The following TCTN1 variants were observed in gnomAD, a reference collection of about 807,000 sequenced individuals.
TCTN1 encodes the protein tectonic family member 1, also known as tectonic-1.
Under a neutral mutation model 65.8 loss-of-function variants are expected in TCTN1, and 58 were observed. The ratio of observed to expected loss-of-function variants is 0.88; its 90% confidence interval spans 0.71 to 1.10. The LOEUF is 1.10. TCTN1 is among the 50% of genes least tolerant of loss of function. TCTN1 has a pLI of 0.00. For synonymous variants in TCTN1, 273 were observed against 289.1 expected (o/e 0.94, Z 0.57); for missense variants, 645 against 719.4 (o/e 0.90, Z 1.18).
Position 110,641,057 on chromosome 12 carries a change from G to T in TCTN1, c.1012G>T (p.Glu338Ter), listed in dbSNP as rs186301802. 6.2e-7 allele frequency: 1 copy of T among 1,614,232 alleles called. No homozygotes were observed. The highest frequency in any genetic ancestry group is 2.2e-5 in the East Asian group (1 of 44,894). The change falls in exon 9 of 15, where the codon GAA becomes TAA. Residue 338 changes from glutamate to a stop codon, truncating the protein, a stop_gained. Coordinates refer to ENST00000397659, the MANE Select transcript of TCTN1 (RefSeq NM_001082538.3). LOFTEE classifies it high-confidence loss of function. Reference sequence around the variant, plus strand: ...CAGCCTCACATACACAGATGCAGGTGAAGTCACCAAAGCTGATCTCTCATT... The same window carrying T: ...CAGCCTCACATACACAGATGCAGGTTAAGTCACCAAAGCTGATCTCTCATT... Reference protein sequence around the residue: ...KYSLTYTDAGEVTKADLSFVL... With the variant: ...KYSLTYTDAG
In TCTN1 at chr12:110,640,637, G is replaced by A; in HGVS notation, c.978+120G>A. ...CCCAGCCCATGGTGTGGCTTTTCTT[G>A]GCTCAGCTGCCTGCTTGTCTTTCTG... On this transcript the variant is annotated intron_variant, in intron 8 of 14. Coordinates refer to ENST00000397659, the MANE Select transcript of TCTN1 (RefSeq NM_001082538.3). This position sits in a 1 kb window ranked among gnomAD's most constrained non-coding sequence, Gnocchi z 4.9. The A allele has an allele frequency of 7.1e-7, 1 of 1,409,352 alleles. No homozygotes were observed. The highest frequency in any genetic ancestry group is 1.0e-6 in the Non-Finnish European group (1 of 1,001,830). The allele number at this position is 1,409,352 out of a possible 1,614,324, so 87.3% of individuals were successfully genotyped here. A position where few individuals can be genotyped will look rare whatever the true frequency, so the allele number is the denominator to read the frequency against.
chr12:110,641,479 TC>T (rs2066947268), intron 9 of TCTN1, 62 bp from the exon 10 acceptor site: 1 of 1,474,822 alleles, frequency 6.8e-7, no homozygotes. Flanking sequence ...GAAGAATTTT[TC>T]TTCCTGCCAT....
Position 110,626,376 on chromosome 12 carries a change from T to C in TCTN1, c.356T>C (p.Phe119Ser). 6.3e-7 allele frequency: 1 copy of C among 1,588,740 alleles called. No individual in the cohort carries two copies. The highest frequency in any genetic ancestry group is 8.6e-7 in the Non-Finnish European group (1 of 1,164,828). ...TTAATTTTCAGGGGCGACAGCCAGT[T>C]TTGTAGTCAAAAAGCAGTCATCTAT... is the stretch of plus-strand genomic sequence containing the variant. ...SVPVVTGDSQFCSQKAVIYSL... is the reference protein window; with the variant it reads ...SVPVVTGDSQSCSQKAVIYSL... The change falls in exon 3 of 15, where the codon TTT becomes TCT. Residue 119 changes from phenylalanine to serine, a missense_variant. Coordinates refer to ENST00000397659, the MANE Select transcript of TCTN1 (RefSeq NM_001082538.3).
chr12:110,640,654 G>C lies in TCTN1; in HGVS notation c.978+137G>C. The C allele has an allele frequency of 2.4e-6, 3 of 1,230,440 alleles. No individual in the cohort carries two copies. In the South Asian group the frequency reaches 3.7e-5, roughly 15 times the overall value. The allele number at this position is 1,230,440 out of a possible 1,614,324, so 76.2% of individuals were successfully genotyped here. A position where few individuals can be genotyped will look rare whatever the true frequency, so the allele number is the denominator to read the frequency against. On this transcript the variant is annotated intron_variant, in intron 8 of 14. Coordinates refer to ENST00000397659, the MANE Select transcript of TCTN1 (RefSeq NM_001082538.3). The surrounding 1 kb of genome is among the most constrained non-coding windows in gnomAD (Gnocchi z 4.9). ...CTTTTCTTGGCTCAGCTGCCTGCTT[G>C]TCTTTCTGCTGTCTCATCAAAGGAC...
chr12:110,620,030 T>G (rs748499356), intron 2 of TCTN1, 74 bp downstream of exon 2: 2 of 1,608,366 alleles, frequency 1.2e-6, no homozygotes, highest in South Asian at 1.1e-5. Context: ...AAGGGAAAAC[T>G]TTCCCAGGCT....
At position 110,642,272 on chromosome 12, in the gene TCTN1, A is replaced by G. The variant is rs762241473; in HGVS notation, c.1214A>G (p.Asn405Ser). The change falls in exon 11 of 15, where the codon AAT (asparagine) becomes AGT (serine). Residue 405 changes from asparagine to serine, a missense_variant. Physicochemically the swap from Asn to Ser is conservative, Grantham distance 46 (BLOSUM62 1). Coordinates refer to ENST00000397659, the MANE Select transcript of TCTN1 (RefSeq NM_001082538.3). The stretch of plus-strand genomic sequence containing the variant: ...ATGTCTGGGATTATTCAGACCACAA[A>G]TAGATATGGACAGCTTACTATTCTT... The part of the protein sequence containing the change: ...HKGSGIIQTT[N>S]RYGQLTILHS... The G allele has an allele frequency of 6.2e-7, 1 of 1,614,192 alleles. No individual in the cohort carries two copies. Among genetic ancestry groups the G allele is most frequent in the South Asian group, 1.1e-5 (1 of 91,080 alleles).
intron 13 of TCTN1, 150 bp from the exon 14 acceptor site, chr12:110,647,599 C>G: frequency 8.0e-7 from 1 of 1,244,376 alleles, no homozygotes; most frequent in East Asian, 2.4e-5. Context: ...TTGTTTCTCT[C>G]ATCCAAGTTA....
intron 4 of TCTN1, 134 bp downstream of exon 4, chr12:110,629,052 A>C (rs777000907): frequency 4.3e-6 from 4 of 930,862 alleles, no homozygotes; most frequent in Non-Finnish European, 6.6e-6. Context: ...CTTAATGTTC[A>C]TGCCTACAAA....
chr12:110,641,370 A>G (rs1295521785), intron 9 of TCTN1, among the ~76,000 whole-genome samples, 172 bp from the exon 10 acceptor site: 2 of 152,214 alleles, frequency 1.3e-5, no homozygotes, highest in Non-Finnish European at 2.9e-5. Context: ...GTTCTTTTAC[A>G]GTATGATGTA....
intron 5 of TCTN1, 83 bp downstream of exon 5, chr12:110,632,642 T>A: frequency 6.8e-7 from 1 of 1,469,032 alleles, no homozygotes; most frequent in Non-Finnish European, 9.5e-7. Flanking sequence ...TTTTTGCCAT[T>A]AAAAGTAATG....
Position 110,640,342 on chromosome 12 carries a change from T to G in TCTN1, c.844-41T>G, listed in dbSNP as rs2066871964. 1 of 1,613,856 alleles carries G rather than the reference T, an allele frequency of 6.2e-7. No individual in the cohort carries two copies. The highest frequency in any genetic ancestry group is 1.7e-5 in the Admixed American group (1 of 59,970). ...GTTGGTTATTTTAGCCCATCCTCCCTGGGTAGAGCATCTTCAACACTCCAG... is the reference window on the plus strand; with the variant it reads ...GTTGGTTATTTTAGCCCATCCTCCCGGGGTAGAGCATCTTCAACACTCCAG... On this transcript the variant is annotated intron_variant, in intron 7 of 14. Transcript: ENST00000397659. The surrounding 1 kb of genome is among the most constrained non-coding windows in gnomAD (Gnocchi z 4.9).
At chr12:110,645,221 G>A in intron 12 of TCTN1, 92 bp downstream of exon 12, 1 of 1,550,372 alleles carries the variant, frequency 6.5e-7, no homozygotes, top group Non-Finnish European at 8.7e-7. Flanking sequence ...TGTTAAGGAG[G>A]CAGGATGGCC....
In TCTN1 at chr12:110,639,773, C is replaced by T. The variant is rs1187612609; in HGVS notation, c.844-610C>T. On this transcript the variant is annotated intron_variant, in intron 7 of 14. Transcript: ENST00000397659. The surrounding 1 kb of genome is among the most constrained non-coding windows in gnomAD (Gnocchi z 4.9). Reference sequence around the variant, plus strand: ...GCAACCATCACCACTAATTCCGGAACATTTCCATCACCCCAAAAAGGAGCC... The same window carrying T: ...GCAACCATCACCACTAATTCCGGAATATTTCCATCACCCCAAAAAGGAGCC... 6.6e-6 allele frequency among the ~76,000 whole-genome samples: 1 copy of T among 152,172 alleles called. No homozygotes were observed. The highest frequency in any genetic ancestry group is 1.5e-5 in the Non-Finnish European group (1 of 68,034).
intron 7 of TCTN1, among the ~76,000 whole-genome samples, chr12:110,638,880 C>T (rs1244223709): frequency 6.6e-6 from 1 of 152,166 alleles, no homozygotes; most frequent in Non-Finnish European, 1.5e-5. Context: ...TGAATAACAG[C>T]CTAGGACCCC....
In TCTN1 at chr12:110,632,468, G is replaced by T. The variant is rs1156401004; in HGVS notation, c.625-4G>T. On this transcript the variant is annotated splice_polypyrimidine_tract_variant and splice_region_variant and intron_variant, in intron 4 of 14. Coordinates refer to ENST00000397659, the MANE Select transcript of TCTN1 (RefSeq NM_001082538.3). ...ATAACGACTGTTGGTTGTTGTGTTT[G>T]CAGTATGGGGTTCCTCTGCAGACTT... is the stretch of plus-strand genomic sequence containing the variant. 1.2e-6 allele frequency: 2 copies of T among 1,613,822 alleles called. No individual in the cohort carries two copies.
intron 7 of TCTN1, among the ~76,000 whole-genome samples, chr12:110,636,883 C>T (rs2066610685): frequency 6.6e-6 from 1 of 152,252 alleles, no homozygotes; most frequent in Non-Finnish European, 1.5e-5. Context: ...AGCACTTTGG[C>T]CAGTGGGTGT....
In TCTN1 at chr12:110,640,604, C is replaced by T. The variant is rs1352248460; in HGVS notation, c.978+87C>T. Reference sequence around the variant, plus strand: ...GGGGTAACTGGACGCCCTCCGAGGACGCTCTGTCCCAGCCCATGGTGTGGC... The same window carrying T: ...GGGGTAACTGGACGCCCTCCGAGGATGCTCTGTCCCAGCCCATGGTGTGGC... On this transcript the variant is annotated intron_variant, in intron 8 of 14. Coordinates refer to ENST00000397659, the MANE Select transcript of TCTN1 (RefSeq NM_001082538.3). The surrounding 1 kb of genome is among the most constrained non-coding windows in gnomAD (Gnocchi z 4.9). The T allele has an allele frequency of 4.2e-5, 67 of 1,590,516 alleles. No homozygotes were observed. The highest frequency in any genetic ancestry group is 1.0e-4 in the Admixed American group (6 of 59,774).
At chr12:110,628,169 T>C (rs1386705363) in intron 3 of TCTN1, 24 of 1,536,094 alleles carry the variant, frequency 1.6e-5, no homozygotes, top group Non-Finnish European at 2.1e-5. Flanking sequence ...AACTCATCAG[T>C]CCAGGGGCTA....
intron 14 of TCTN1, chr12:110,648,797 T>G: frequency 3.4e-6 from 1 of 296,342 alleles, no homozygotes; most frequent in South Asian, 2.9e-5. Context: ...AAAGAGAGAG[T>G]TTATTTTATA....
Sources: gnomAD v4.1 joint callset for allele counts (sites outside exome capture counted in the v4.1 genomes callset) on GRCh38, gnomAD v4.1.1 for gene constraint, Gnocchi (gnomAD v3.1) non-coding constraint, MANE v1.5 for transcripts, NCBI Gene and HGNC (gene_info 2026-07-23, HGNC 2026-07-21) for gene names.